AGAP1: variants seen among roughly 807,000 people sequenced by gnomAD.
AGAP1 encodes the protein arf-GAP with GTPase, ANK repeat and PH domain-containing protein 1.
A neutral mutation model predicts 105.3 loss-of-function variants in AGAP1; 29 were observed. The ratio of observed to expected loss-of-function variants is 0.28; its 90% confidence interval spans 0.21 to 0.38. AGAP1 has a LOEUF of 0.38. Ranked by LOEUF, AGAP1 falls within the 10% of genes least tolerant of loss-of-function variation. The pLI is 1.00. For missense variants in AGAP1, 998 were observed against 1,165.1 expected, an observed-to-expected ratio of 0.86 and a Z score of 2.09; for synonymous variants, 509 against 485.9, an observed-to-expected ratio of 1.05 and a Z score of -0.63.
rs1338902410 is a variant in AGAP1, at chr2:235,620,448, T to C, written c.164-88731T>C. Among the ~76,000 whole-genome samples the C allele has an allele frequency of 6.6e-6, 1 of 152,188 alleles. No homozygotes were observed. The highest frequency in any genetic ancestry group is 1.9e-4 in the East Asian group (1 of 5,178). ...ACTCTCCCCTTGCTCATGGCTCTGC[T>C]GATCCTTCAACCAAATGCATGCTCC... On this transcript the variant is annotated intron_variant, in intron 1 of 17. Transcript: ENST00000304032. The surrounding 1 kb of genome is among the most constrained non-coding windows in gnomAD (Gnocchi z 4.5).
At chr2:236,077,319 G>T in intron 16 of AGAP1, among the ~76,000 whole-genome samples, 1 of 143,416 alleles carries the variant, frequency 7.0e-6, no homozygotes, top group Non-Finnish European at 1.5e-5. Flanking sequence ...CCTTATGTAT[G>T]TCTCTTTTTT....
intron 1 of AGAP1, among the ~76,000 whole-genome samples, chr2:235,530,404 A>C (rs911302007): frequency 6.6e-6 from 1 of 152,306 alleles, no homozygotes; most frequent in Admixed American, 6.5e-5. Context: ...CAGCTGTACA[A>C]GGTTACCCCA....
At position 236,129,030 on chromosome 2, in the gene AGAP1, C is replaced by T. The variant is rs540803996; in HGVS notation, c.*4908C>T. The stretch of plus-strand genomic sequence containing the variant: ...ATTTATTTCCAACCGCTGCCTCAGA[C>T]GGGGGTTTCACATGTTGTGAAGTCA... On this transcript the variant is annotated 3_prime_UTR_variant, in exon 18 of 18. Coordinates refer to ENST00000304032, the MANE Select transcript of AGAP1 (RefSeq NM_001037131.3). The surrounding 1 kb of genome is among the most constrained non-coding windows in gnomAD (Gnocchi z 6.2). The T allele has an allele frequency of 3.3e-5, 5 of 152,364 alleles. No homozygotes were observed. The highest frequency in any genetic ancestry group is 2.1e-4 in the South Asian group (1 of 4,826). 9.4% of individuals were successfully genotyped at this position (152,364 alleles called of 1,614,324 possible).
At chr2:235,768,757 G>A (rs867995792) in intron 6 of AGAP1, among the ~76,000 whole-genome samples, 4 of 152,292 alleles carry the variant, frequency 2.6e-5, no homozygotes, top group East Asian at 1.9e-4. Context: ...AGGCACAGCC[G>A]CCGTGGGATG....
At chr2:235,860,414 T>C (rs1427202979) in intron 9 of AGAP1, among the ~76,000 whole-genome samples, 2 of 152,198 alleles carry the variant, frequency 1.3e-5, no homozygotes, top group East Asian at 1.9e-4. Flanking sequence ...GATTACCTTT[T>C]TCTAACTGCG....
chr2:235,610,940 C>T lies in AGAP1; in HGVS notation c.164-98239C>T, dbSNP rs1321868253. 3.9e-5 allele frequency among the ~76,000 whole-genome samples: 6 copies of T among 152,222 alleles called. No homozygotes were observed. The highest frequency in any genetic ancestry group is 4.1e-4 in the South Asian group (2 of 4,824). ...AATCCTTTTCAGCCCCTCTGAAGAGCGGCCCAGTAGGATGGTTGACTGACG... is the reference window on the plus strand; with the variant it reads ...AATCCTTTTCAGCCCCTCTGAAGAGTGGCCCAGTAGGATGGTTGACTGACG... On this transcript the variant is annotated intron_variant, in intron 1 of 17. Transcript: ENST00000304032. This position sits in a 1 kb window ranked among gnomAD's most constrained non-coding sequence, Gnocchi z 4.9.
rs559425525 is a variant in AGAP1, at chr2:235,950,221, G to T, written c.1484-18241G>T. ...AGTAAGAAACTCCCGCCAGTCTCAT[G>T]GCCAGAGTGCCCAGGGAAAGTCTTC... On this transcript the variant is annotated intron_variant, in intron 12 of 17. Coordinates refer to ENST00000304032, the MANE Select transcript of AGAP1 (RefSeq NM_001037131.3). Among the ~76,000 whole-genome samples the T allele has an allele frequency of 4.4e-4, 67 of 152,276 alleles. 1 individual carries two copies. The highest frequency in any genetic ancestry group is 1.6e-3 in the African/African-American group (65 of 41,558).
At position 235,926,668 on chromosome 2, in the gene AGAP1, C is replaced by T. The variant is rs138311093; in HGVS notation, c.1325-4097C>T. 8.4e-3 allele frequency among the ~76,000 whole-genome samples: 1,279 copies of T among 152,236 alleles called. 16 individuals are homozygous for T. Among genetic ancestry groups the T allele is most frequent in the African/African-American group, 0.028 (1,171 of 41,536 alleles). Reference sequence around the variant, plus strand: ...TATAGTGAATGGGTATATTTTGAAACAGAGATTTACTCCCTTAAGAGAAAA... The same window carrying T: ...TATAGTGAATGGGTATATTTTGAAATAGAGATTTACTCCCTTAAGAGAAAA... On this transcript the variant is annotated intron_variant, in intron 11 of 17. Coordinates refer to ENST00000304032, the MANE Select transcript of AGAP1 (RefSeq NM_001037131.3).
intron 1 of AGAP1, among the ~76,000 whole-genome samples, chr2:235,674,985 TTTA>T (rs1948647789): frequency 6.6e-6 from 1 of 151,412 alleles, no homozygotes; most frequent in Non-Finnish European, 1.5e-5. Context: ...GTTTTTTTAT[TTTA>T]TTATTTTATT....
chr2:235,766,393 A>AG (rs1293603157), intron 6 of AGAP1, among the ~76,000 whole-genome samples: 14 of 152,190 alleles, frequency 9.2e-5, no homozygotes, highest in Admixed American at 6.5e-4. Context: ...AACCGCCACT[A>AG]GGGGGCATTG....
rs1023268294 is a variant in AGAP1, at chr2:235,976,427, G to A, written c.1645+7804G>A. The stretch of plus-strand genomic sequence containing the variant: ...TCAGATCCTTTGTGGAAGCCAGCAG[G>A]TCGGAAATAAACAAAGATGAGTCGA... On this transcript the variant is annotated intron_variant, in intron 13 of 17. Transcript: ENST00000304032. This position sits in a 1 kb window ranked among gnomAD's most constrained non-coding sequence, Gnocchi z 4.5. 6.6e-6 allele frequency among the ~76,000 whole-genome samples: 1 copy of A among 152,174 alleles called. No individual in the cohort carries two copies. The highest frequency in any genetic ancestry group is 6.5e-5 in the Admixed American group (1 of 15,286).
chr2:235,790,076 G>A (rs1306686191), intron 6 of AGAP1, among the ~76,000 whole-genome samples: 1 of 152,150 alleles, frequency 6.6e-6, no homozygotes. Context: ...GATTTGGGGT[G>A]AATAGCTAAG....
chr2:235,830,233 G>T lies in AGAP1; in HGVS notation c.1050+22902G>T, dbSNP rs1192757175. On this transcript the variant is annotated intron_variant, in intron 9 of 17. Coordinates refer to ENST00000304032, the MANE Select transcript of AGAP1 (RefSeq NM_001037131.3). This position sits in a 1 kb window ranked among gnomAD's most constrained non-coding sequence, Gnocchi z 5.5. Reference sequence around the variant, plus strand: ...TGTGACTTCCCCATGACACCAGTGGGCCAGGCTACAGTCACCGTTTGAGTG... The same window carrying T: ...TGTGACTTCCCCATGACACCAGTGGTCCAGGCTACAGTCACCGTTTGAGTG... Among the ~76,000 whole-genome samples the T allele has an allele frequency of 6.6e-6, 1 of 152,234 alleles. No individual in the cohort carries two copies. Among genetic ancestry groups the T allele is most frequent in the African/African-American group, 2.4e-5 (1 of 41,462 alleles).
chr2:235,812,337 G>A (rs1559517417), intron 9 of AGAP1, among the ~76,000 whole-genome samples: 3 of 152,210 alleles, frequency 2.0e-5, no homozygotes, highest in South Asian at 2.1e-4. Flanking sequence ...CGCCGCACCC[G>A]CCATCGGGCC....
chr2:235,591,020 A>C (rs1211391435), intron 1 of AGAP1, among the ~76,000 whole-genome samples: 1 of 135,536 alleles, frequency 7.4e-6, no homozygotes, highest in Non-Finnish European at 1.6e-5. Flanking sequence ...CGCCCGGCCT[A>C]TATTTTTAAT....
intron 16 of AGAP1, chr2:236,072,621 T>A (rs563505026): frequency 2.0e-5 from 3 of 152,152 alleles, no homozygotes; most frequent in Non-Finnish European, 4.4e-5. Context: ...ATTTAATTTA[T>A]TTATTTATGT....
chr2:235,808,347 G>C (rs1369411414), intron 9 of AGAP1, among the ~76,000 whole-genome samples: 1 of 152,216 alleles, frequency 6.6e-6, no homozygotes, highest in Non-Finnish European at 1.5e-5. Context: ...GAACTGTGTA[G>C]GCACTGGCTG....
chr2:235,654,293 C>T (rs2149328964), intron 1 of AGAP1, among the ~76,000 whole-genome samples: 1 of 152,276 alleles, frequency 6.6e-6, no homozygotes, highest in South Asian at 2.1e-4. Flanking sequence ...TGGCATGTGA[C>T]ATCTTTGACA....
In AGAP1 at chr2:236,046,238, G is replaced by A. The variant is rs77815201; in HGVS notation, c.1892-2821G>A. Reference sequence around the variant, plus strand: ...TCCCCACAGCACTCGGTGATGGGCTGGATGCTGGGACATAAGGGAGCAGGA... The same window carrying A: ...TCCCCACAGCACTCGGTGATGGGCTAGATGCTGGGACATAAGGGAGCAGGA... On this transcript the variant is annotated intron_variant, in intron 15 of 17. Coordinates refer to ENST00000304032, the MANE Select transcript of AGAP1 (RefSeq NM_001037131.3). This position sits in a 1 kb window ranked among gnomAD's most constrained non-coding sequence, Gnocchi z 5.2. Among the ~76,000 whole-genome samples the A allele has an allele frequency of 9.1e-3, 1,388 of 152,266 alleles. 30 individuals are homozygous for A. Among genetic ancestry groups the A allele is most frequent in the East Asian group, 0.067 (347 of 5,170 alleles).
Sources: allele counts gnomAD v4.1 joint callset (sites outside exome capture counted in the v4.1 genomes callset), GRCh38; gene constraint gnomAD v4.1.1; non-coding constraint Gnocchi (gnomAD v3.1); transcripts MANE v1.5; gene names NCBI Gene and HGNC (gene_info 2026-07-23, HGNC 2026-07-21).